FAM199X: variants seen among roughly 807,000 people sequenced by gnomAD.
The protein encoded by FAM199X is family with sequence similarity 199, X-linked.
A neutral mutation model predicts 22.9 loss-of-function variants in FAM199X; 4 were observed. The ratio of observed to expected loss-of-function variants is 0.17; its 90% CI spans 0.09 to 0.40. FAM199X has a LOEUF of 0.40. Ranked by LOEUF, FAM199X falls within the 10% of genes least tolerant of loss-of-function variation. FAM199X has a pLI of 1.00. For missense variants in FAM199X, 183 were observed against 306.8 expected (o/e 0.60, Z 3.01); for synonymous variants, 101 against 112.3 (o/e 0.90, Z 0.64).
chrX:104,177,585 A>G (rs1255736131), intron 2 of FAM199X, among the ~76,000 whole-genome samples: 5 of 112,057 alleles, frequency 4.5e-5, no homozygotes, highest in Non-Finnish European at 9.4e-5. Flanking sequence ...TTCCACCAGC[A>G]GCGTATGAAA....
chrX:104,159,646 A>G, the FAM199X span, among the ~76,000 whole-genome samples: 1 of 112,301 alleles, frequency 8.9e-6, no homozygotes, highest in African/African-American at 3.2e-5. Context: ...TTTCTATACC[A>G]TAGTGTTTTA....
chrX:104,164,325 A>G (rs894818490), upstream of FAM199X, among the ~76,000 whole-genome samples: 6 of 112,331 alleles, frequency 5.3e-5, no homozygotes, highest in Non-Finnish European at 9.4e-5. Context: ...GATGCCAAGT[A>G]TGAGGTGCAC....
intron 1 of FAM199X, among the ~76,000 whole-genome samples, 158 bp from the exon 2 acceptor site, chrX:104,175,465 A>G (rs1921464501): frequency 8.9e-6 from 1 of 112,049 alleles, no homozygotes; most frequent in Admixed American, 9.5e-5. Flanking sequence ...ATCATTCATA[A>G]ATATTTTAGT....
intron 2 of FAM199X, among the ~76,000 whole-genome samples, chrX:104,185,158 C>G (rs924080835): frequency 1.9e-5 from 2 of 105,373 alleles, no homozygotes; most frequent in Non-Finnish European, 3.9e-5. Context: ...CCTCCTGCCT[C>G]TGCCTCACAA....
chrX:104,185,925 G>T, intron 2 of FAM199X, 141 bp from the exon 3 acceptor site: 1 of 592,291 alleles, frequency 1.7e-6, no homozygotes, highest in East Asian at 3.6e-5. Context: ...TTATATTAAA[G>T]GAAGCCCTCT....
intron 2 of FAM199X, among the ~76,000 whole-genome samples, chrX:104,179,450 G>A (rs1176956650): frequency 1.8e-5 from 2 of 111,912 alleles, no homozygotes; most frequent in East Asian, 2.8e-4. Context: ...TTCATTGCTA[G>A]TGTATGTATA....
the FAM199X span, among the ~76,000 whole-genome samples, chrX:104,157,265 A>C: frequency 5.3e-5 from 6 of 112,158 alleles, no homozygotes; most frequent in Non-Finnish European, 9.4e-5. Context: ...ACTTAGGTGA[A>C]CAGTTCATGA....
At chrX:104,164,363 C>T (rs1463120516), upstream of FAM199X, among the ~76,000 whole-genome samples, 2 of 112,088 alleles carry the variant, frequency 1.8e-5, no homozygotes, top group East Asian at 5.6e-4. Flanking sequence ...AGGATCATGA[C>T]AATTAAAGTA....
At chrX:104,187,350 G>A (rs1389741067) in intron 4 of FAM199X, among the ~76,000 whole-genome samples, 1 of 111,937 alleles carries the variant, frequency 8.9e-6, no homozygotes, top group African/African-American at 3.2e-5. Context: ...CCAAAGTGCT[G>A]GGATTACAGG....
intron 2 of FAM199X, among the ~76,000 whole-genome samples, chrX:104,180,288 CTTTTTTT>C (rs573175887): frequency 1.1e-4 from 8 of 71,245 alleles, no homozygotes; most frequent in Non-Finnish European, 1.9e-4. Flanking sequence ...GCCAGTGTCT[CTTTTTTT>C]TTTTTTTTTT....
At chrX:104,178,501 G>A (rs1431596973) in intron 2 of FAM199X, among the ~76,000 whole-genome samples, 2 of 110,945 alleles carry the variant, frequency 1.8e-5, no homozygotes, top group African/African-American at 6.6e-5. Flanking sequence ...TGCTGGTCTC[G>A]AATTTTTGGG....
intron 2 of FAM199X, among the ~76,000 whole-genome samples, chrX:104,183,210 A>T (rs957362739): frequency 4.5e-5 from 5 of 110,714 alleles, no homozygotes; most frequent in Non-Finnish European, 7.6e-5. Context: ...TATCAAAGGA[A>T]CTTGATGTAG....
the FAM199X span, among the ~76,000 whole-genome samples, chrX:104,157,241 CAGG>C: frequency 3.6e-4 from 40 of 112,173 alleles, no homozygotes; most frequent in African/African-American, 1.3e-3. Flanking sequence ...CATTCTCAAA[CAGG>C]AGCTTAACTT....
intron 2 of FAM199X, among the ~76,000 whole-genome samples, chrX:104,178,495 G>C (rs1178530253): frequency 9.0e-6 from 1 of 110,974 alleles, no homozygotes; most frequent in African/African-American, 3.3e-5. Context: ...TGTCCATGCT[G>C]GTCTCGAATT....
chrX:104,168,670 G>C (rs1312973697), intron 1 of FAM199X, among the ~76,000 whole-genome samples: 1 of 111,033 alleles, frequency 9.0e-6, no homozygotes, highest in African/African-American at 3.3e-5. Context: ...ACTGGGTAGA[G>C]GTGATGGGGA....
intron 4 of FAM199X, 81 bp downstream of exon 4, chrX:104,186,702 AATAC>A (rs1317230023): frequency 1.1e-6 from 1 of 912,610 alleles, no homozygotes; most frequent in Non-Finnish European, 1.5e-6. Flanking sequence ...ATCATGTGTA[AATAC>A]ATAGATAATT....
At chrX:104,186,736 C>G (rs1222276434) in intron 4 of FAM199X, 115 bp downstream of exon 4, 2 of 648,317 alleles carry the variant, frequency 3.1e-6, no homozygotes, top group African/African-American at 4.5e-5. Context: ...ATCACTGCTG[C>G]GAAAGGTAAT....
chrX:104,165,458 T>C (rs1377044156), upstream of FAM199X, among the ~76,000 whole-genome samples: 1 of 112,060 alleles, frequency 8.9e-6, no homozygotes, highest in East Asian at 2.8e-4. Context: ...TTAAGTTCTA[T>C]GCTTTCCTGA....
chrX:104,170,781 A>C (rs1340175853), intron 1 of FAM199X, among the ~76,000 whole-genome samples: 1 of 111,346 alleles, frequency 9.0e-6, no homozygotes, highest in Non-Finnish European at 1.9e-5. Flanking sequence ...GGCAATAAAG[A>C]GGGCAGGAAA....
Sources: gnomAD v4.1 joint callset for allele counts (sites outside exome capture counted in the v4.1 genomes callset) on GRCh38, gnomAD v4.1.1 for gene constraint, MANE v1.5 for transcripts, NCBI Gene and HGNC (gene_info 2026-07-23, HGNC 2026-07-21) for gene names.